The following EDNRB variants were observed in gnomAD, a reference collection of about 807,000 sequenced individuals.
EDNRB encodes Hirschsprung disease 2.
In EDNRB, 18 loss-of-function variants were observed where a neutral mutation model predicts 46.4. The observed-to-expected ratio is 0.39, with a 90% CI of 0.27 to 0.57. EDNRB has a LOEUF of 0.57. Among genes scored for constraint, EDNRB ranks in the 20% least tolerant of loss-of-function variants. EDNRB has a pLI of 0.61. For missense variants in EDNRB, 434 were observed against 537.5 expected (o/e 0.81, Z 1.90); for synonymous variants, 213 against 204.9 (o/e 1.04, Z -0.34).
At chr13:77,900,351 C>T (rs1379012710) in intron 5 of EDNRB, among the ~76,000 whole-genome samples, 170 bp downstream of exon 5, 2 of 151,768 alleles carry the variant, frequency 1.3e-5, no homozygotes, top group South Asian at 2.1e-4. Context: ...TTCTTCATAC[C>T]CCCCCTTCCC....
At chr13:77,926,462 C>A (rs1370390289) in intron 1 of EDNRB, among the ~76,000 whole-genome samples, 24 of 152,196 alleles carry the variant, frequency 1.6e-4, no homozygotes, top group Non-Finnish European at 5.9e-5. Flanking sequence ...TAGGGCAGGG[C>A]AAAATGCTGC....
At chr13:77,941,056 T>C (rs575613130) in intron 1 of EDNRB, among the ~76,000 whole-genome samples, 4 of 152,358 alleles carry the variant, frequency 2.6e-5, no homozygotes, top group Non-Finnish European at 5.9e-5. Flanking sequence ...CTAGGTGTGA[T>C]ATCTGGTTGA....
chr13:77,974,712 A>G (rs771385878), intron 1 of EDNRB, among the ~76,000 whole-genome samples: 7 of 152,064 alleles, frequency 4.6e-5, no homozygotes, highest in Middle Eastern at 6.8e-3. Flanking sequence ...CCAAGCATCT[A>G]TGTACGGGAA....
intron 1 of EDNRB, among the ~76,000 whole-genome samples, chr13:77,926,916 T>C (rs930176033): frequency 5.9e-5 from 9 of 151,984 alleles, no homozygotes; most frequent in African/African-American, 1.9e-4. Flanking sequence ...CAAGAGAAAA[T>C]GAGGAATATG....
chr13:77,905,885 T>C (rs1296239702), intron 1 of EDNRB, among the ~76,000 whole-genome samples: 1 of 151,900 alleles, frequency 6.6e-6, no homozygotes, highest in Admixed American at 6.6e-5. Context: ...AATGAAGTTG[T>C]AGAGGGAAGA....
At chr13:77,911,272 A>G (rs1468314371) in intron 1 of EDNRB, among the ~76,000 whole-genome samples, 1 of 152,062 alleles carries the variant, frequency 6.6e-6, no homozygotes, top group African/African-American at 2.4e-5. Flanking sequence ...CTTGCAAACT[A>G]CATGAATTCA....
intron 1 of EDNRB, among the ~76,000 whole-genome samples, chr13:77,974,534 T>C (rs1881827472): frequency 6.6e-6 from 1 of 152,172 alleles, no homozygotes; most frequent in Admixed American, 6.5e-5. Context: ...CCTTGGCTTT[T>C]AAAGGAATAG....
At chr13:77,938,549 G>A (rs1187125636) in intron 1 of EDNRB, among the ~76,000 whole-genome samples, 1 of 152,144 alleles carries the variant, frequency 6.6e-6, no homozygotes, top group East Asian at 1.9e-4. Context: ...GACCAAGGCA[G>A]GCGTCCCCGC....
At chr13:77,972,740 A>G (rs1881772744) in intron 1 of EDNRB, among the ~76,000 whole-genome samples, 1 of 152,226 alleles carries the variant, frequency 6.6e-6, no homozygotes, top group South Asian at 2.1e-4. Flanking sequence ...GGTTATGTTA[A>G]TAACTAGATG....
At chr13:77,946,631 A>C (rs1427489734) in intron 1 of EDNRB, among the ~76,000 whole-genome samples, 1 of 152,200 alleles carries the variant, frequency 6.6e-6, no homozygotes, top group Non-Finnish European at 1.5e-5. Context: ...GACAGGCTAG[A>C]TGATAACCTC....
intron 1 of EDNRB, among the ~76,000 whole-genome samples, chr13:77,963,575 A>C (rs918569146): frequency 6.6e-6 from 1 of 152,184 alleles, no homozygotes; most frequent in Admixed American, 6.5e-5. Context: ...ATATGTAGAA[A>C]GCTGAAACTG....
rs1878591735 is a variant in EDNRB at position 77,895,773 on chromosome 13, G to A, written c.*2427C>T. 6.6e-6 allele frequency: 1 copy of A among 151,946 alleles called. No individual in the cohort carries two copies. Among genetic ancestry groups the A allele is most frequent in the Non-Finnish European group, 1.5e-5 (1 of 67,932 alleles). The allele number at this position is 151,946 out of a possible 1,614,324, so 9.4% of individuals were successfully genotyped here. On this transcript the variant is annotated 3_prime_UTR_variant, in exon 7 of 7. Coordinates refer to ENST00000646607, the MANE Select transcript of EDNRB (RefSeq NM_001122659.3). ...CATTGTTATATTACACTTTTATAAA[G>A]TTAGCTACAGCATACCCATGTTTTG...
At chr13:77,965,156 A>G (rs1032920281) in intron 1 of EDNRB, among the ~76,000 whole-genome samples, 3 of 152,334 alleles carry the variant, frequency 2.0e-5, no homozygotes, top group Non-Finnish European at 4.4e-5. Flanking sequence ...ATATATTTTT[A>G]AAGTCCTCAT....
intron 1 of EDNRB, among the ~76,000 whole-genome samples, chr13:77,912,152 A>T (rs527479178): frequency 3.3e-5 from 5 of 152,080 alleles, no homozygotes; most frequent in Non-Finnish European, 2.9e-5. Context: ...AATATCTTCA[A>T]TCTTGAAAGA....
At chr13:77,911,640 C>A (rs1474262839) in intron 1 of EDNRB, among the ~76,000 whole-genome samples, 7 of 151,954 alleles carry the variant, frequency 4.6e-5, no homozygotes, top group Admixed American at 3.3e-4. Flanking sequence ...TGATCCTCTT[C>A]TATCTTCTCC....
chr13:77,951,161 A>G (rs1881078653), intron 1 of EDNRB, among the ~76,000 whole-genome samples: 1 of 152,196 alleles, frequency 6.6e-6, no homozygotes, highest in Non-Finnish European at 1.5e-5. Flanking sequence ...TTAGATGGGA[A>G]TGACCAGAGC....
chr13:77,956,894 T>C (rs1459385494), intron 1 of EDNRB, among the ~76,000 whole-genome samples: 3 of 152,206 alleles, frequency 2.0e-5, no homozygotes, highest in Admixed American at 6.5e-5. Flanking sequence ...AGTAATTAGA[T>C]GGGGCCTATC....
chr13:77,945,881 A>C (rs1336672488), intron 1 of EDNRB, among the ~76,000 whole-genome samples: 4 of 151,366 alleles, frequency 2.6e-5, no homozygotes, highest in African/African-American at 9.7e-5. Flanking sequence ...AAAACCAAAA[A>C]AAAAAAAAAA....
At chr13:77,945,215 T>C (rs1476774778) in intron 1 of EDNRB, among the ~76,000 whole-genome samples, 3 of 152,186 alleles carry the variant, frequency 2.0e-5, no homozygotes, top group Non-Finnish European at 4.4e-5. Flanking sequence ...TTATTTTTAG[T>C]TGTGAAAATA....
Sources: gnomAD v4.1 joint callset for allele counts (sites outside exome capture counted in the v4.1 genomes callset) on GRCh38, gnomAD v4.1.1 for gene constraint, MANE v1.5 for transcripts, NCBI Gene and HGNC (gene_info 2026-07-23, HGNC 2026-07-21) for gene names.